The following GRIP1 variants were observed in gnomAD, a reference collection of about 807,000 sequenced individuals.
GRIP1 encodes glutamate receptor-interacting protein 1.
Under a neutral mutation model 129.9 loss-of-function variants are expected in GRIP1, and 45 were observed. That is an observed-to-expected ratio of 0.35 (90% CI 0.27 to 0.44). The LOEUF (loss-of-function observed/expected upper bound fraction) is 0.44, where lower values mean the gene tolerates loss of function less well. Among genes scored for constraint, GRIP1 ranks in the 20% least tolerant of loss-of-function variants. The pLI is 1.00. For missense variants in GRIP1, 1,196 were observed against 1,396.8 expected (o/e 0.86, Z 2.29); for synonymous variants, 530 against 520.8 (o/e 1.02, Z -0.24).
chr12:66,427,592 T>C (rs1354038064), intron 14 of GRIP1, among the ~76,000 whole-genome samples: 1 of 152,140 alleles, frequency 6.6e-6, no homozygotes, highest in Admixed American at 6.6e-5. Flanking sequence ...AAAGATAATA[T>C]ATTAACATAT....
At chr12:66,966,085 T>C (rs756414349) in intron 1 of GRIP1, among the ~76,000 whole-genome samples, 3 of 152,188 alleles carry the variant, frequency 2.0e-5, no homozygotes, top group African/African-American at 7.2e-5. Context: ...ATATATGGAC[T>C]ATATAAGATT....
At chr12:66,709,074 C>T (rs2035629795) in intron 1 of GRIP1, among the ~76,000 whole-genome samples, 1 of 151,640 alleles carries the variant, frequency 6.6e-6, no homozygotes, top group South Asian at 2.1e-4. Flanking sequence ...GATAAAAGCT[C>T]CCACAGCATT....
chr12:66,528,008 G>A (rs539059928), intron 5 of GRIP1, among the ~76,000 whole-genome samples: 8 of 152,038 alleles, frequency 5.3e-5, no homozygotes, highest in African/African-American at 1.9e-4. Context: ...TGTTTATATA[G>A]CTCCCTATTG....
intron 19 of GRIP1, among the ~76,000 whole-genome samples, chr12:66,386,130 G>A (rs1042065190): frequency 4.6e-5 from 7 of 152,148 alleles, no homozygotes; most frequent in Non-Finnish European, 8.8e-5. Flanking sequence ...AGCAAAGTAG[G>A]TATTTCTGAA....
intron 1 of GRIP1, among the ~76,000 whole-genome samples, chr12:67,055,239 G>C (rs2043415319): frequency 6.6e-6 from 1 of 152,204 alleles, no homozygotes; most frequent in East Asian, 1.9e-4. Context: ...TAATCCAGTA[G>C]AGAAGGCGAC....
chr12:66,786,161 G>T (rs1350437505), intron 1 of GRIP1, among the ~76,000 whole-genome samples: 1 of 152,178 alleles, frequency 6.6e-6, no homozygotes, highest in Non-Finnish European at 1.5e-5. Flanking sequence ...TTTTTGAATG[G>T]AATAAGGGTT....
chr12:66,556,778 A>C (rs975549509), intron 2 of GRIP1, among the ~76,000 whole-genome samples: 5 of 152,120 alleles, frequency 3.3e-5, no homozygotes, highest in African/African-American at 1.2e-4. Context: ...GGGTTATAAG[A>C]CAGTATTTGC....
At chr12:67,054,833 C>T (rs748831152) in intron 1 of GRIP1, among the ~76,000 whole-genome samples, 6 of 151,128 alleles carry the variant, frequency 4.0e-5, no homozygotes, top group Non-Finnish European at 7.4e-5. Flanking sequence ...GGAAAAAACA[C>T]CAACAGAGAC....
intron 1 of GRIP1, among the ~76,000 whole-genome samples, chr12:66,900,088 G>A (rs1249379540): frequency 6.6e-6 from 1 of 152,188 alleles, no homozygotes; most frequent in Admixed American, 6.5e-5. Context: ...GGAAATTAGA[G>A]TTGGGAGAAG....
intron 7 of GRIP1, among the ~76,000 whole-genome samples, chr12:66,509,421 A>G (rs1406740612): frequency 1.3e-5 from 2 of 152,212 alleles, no homozygotes; most frequent in African/African-American, 4.8e-5. Flanking sequence ...AATATTGTCC[A>G]AGGTCAACAG....
At chr12:66,693,689 T>A (rs2035056295) in intron 1 of GRIP1, among the ~76,000 whole-genome samples, 1 of 152,166 alleles carries the variant, frequency 6.6e-6, no homozygotes, top group Non-Finnish European at 1.5e-5. Flanking sequence ...GACCACGGAC[T>A]CCCTAAAGCC....
chr12:67,067,588 T>C (rs1192752156), intron 1 of GRIP1, among the ~76,000 whole-genome samples: 3 of 152,132 alleles, frequency 2.0e-5, no homozygotes, highest in African/African-American at 7.2e-5. Flanking sequence ...GAAAGTGTGC[T>C]GGAAAATGAA....
chr12:66,672,000 C>G (rs771017441), intron 1 of GRIP1, among the ~76,000 whole-genome samples: 5 of 152,124 alleles, frequency 3.3e-5, no homozygotes, highest in Non-Finnish European at 7.4e-5. Flanking sequence ...GAGACAGTAA[C>G]AGTTTCCTAT....
intron 1 of GRIP1, among the ~76,000 whole-genome samples, chr12:66,656,529 C>T (rs1237661939): frequency 1.3e-5 from 2 of 152,064 alleles, no homozygotes; most frequent in Non-Finnish European, 2.9e-5. Context: ...TGTCTCTTAC[C>T]ACGGATTATT....
intron 1 of GRIP1, among the ~76,000 whole-genome samples, chr12:67,038,805 C>T (rs975471208): frequency 1.3e-5 from 2 of 152,082 alleles, no homozygotes; most frequent in African/African-American, 4.8e-5. Flanking sequence ...AGTTCAATTG[C>T]CACAAATATA....
chr12:66,363,791 C>T (rs565253429), intron 23 of GRIP1, among the ~76,000 whole-genome samples: 3 of 152,012 alleles, frequency 2.0e-5, no homozygotes, highest in South Asian at 2.1e-4. Context: ...AAGTTGAACT[C>T]GTAGAAGCAA....
intron 1 of GRIP1, among the ~76,000 whole-genome samples, chr12:66,846,061 T>A (rs1192231446): frequency 3.9e-5 from 6 of 152,194 alleles, no homozygotes; most frequent in Non-Finnish European, 8.8e-5. Flanking sequence ...CTTGCTTCAA[T>A]CCAACAATGC....
At chr12:66,864,173 A>G (rs2040160539) in intron 1 of GRIP1, among the ~76,000 whole-genome samples, 1 of 151,986 alleles carries the variant, frequency 6.6e-6, no homozygotes, top group Non-Finnish European at 1.5e-5. Context: ...GCCAAAAGTG[A>G]TGATACTCAA....
intron 23 of GRIP1, among the ~76,000 whole-genome samples, chr12:66,358,965 T>C (rs1420638463): frequency 1.3e-5 from 2 of 152,210 alleles, no homozygotes; most frequent in African/African-American, 4.8e-5. Flanking sequence ...CTGTGGGATC[T>C]CTTGCCTTTT....
Sources: gnomAD v4.1 joint callset for allele counts (sites outside exome capture counted in the v4.1 genomes callset) on GRCh38, gnomAD v4.1.1 for gene constraint, MANE v1.5 for transcripts, NCBI Gene and HGNC (gene_info 2026-07-23, HGNC 2026-07-21) for gene names.